The following DLG5 variants were observed in gnomAD, a reference collection of about 807,000 sequenced individuals.
DLG5 encodes disks large homolog 5.
DLG5 carries 48 observed loss-of-function variants against 189.8 expected under a neutral mutation model. The ratio of observed to expected loss-of-function variants is 0.25; its 90% confidence interval spans 0.20 to 0.32. The LOEUF (loss-of-function observed/expected upper bound fraction) is 0.32, where lower values mean the gene tolerates loss of function less well. Among genes scored for constraint, DLG5 ranks in the 10% least tolerant of loss-of-function variants. The pLI is 1.00. For synonymous variants in DLG5, 1,016 were observed against 1,054.1 expected (o/e 0.96, Z 0.70); for missense variants, 2,160 against 2,544.7 (o/e 0.85, Z 3.25).
chr10:77,916,773 A>C (rs1846369357), intron 1 of DLG5, among the ~76,000 whole-genome samples: 1 of 151,928 alleles, frequency 6.6e-6, no homozygotes, highest in Admixed American at 6.6e-5. Context: ...TAAACCCAAA[A>C]GAAGAGAAAG....
intron 1 of DLG5, among the ~76,000 whole-genome samples, chr10:77,875,521 G>A (rs1297570477): frequency 2.0e-5 from 3 of 152,140 alleles, no homozygotes; most frequent in Non-Finnish European, 4.4e-5. Context: ...AGAAGGAGCT[G>A]TGGCTTCATG....
chr10:77,850,947 A>AC (rs1395781490), intron 5 of DLG5, among the ~76,000 whole-genome samples: 4 of 152,150 alleles, frequency 2.6e-5, no homozygotes, highest in Admixed American at 6.5e-5. Flanking sequence ...TCCAAACTAA[A>AC]CCCCAAGGCA....
intron 1 of DLG5, among the ~76,000 whole-genome samples, chr10:77,880,962 CTTTTTTTT>C (rs61636782): frequency 1.4e-5 from 1 of 73,276 alleles, no homozygotes; most frequent in African/African-American, 6.0e-5. Context: ...AACCCTAGAC[CTTTTTTTT>C]TTTTTTTTTT....
At chr10:77,933,288 G>GT in the DLG5 span, among the ~76,000 whole-genome samples, 1 of 151,544 alleles carries the variant, frequency 6.6e-6, no homozygotes, top group South Asian at 2.1e-4. Flanking sequence ...TTTGTTTTTT[G>GT]TTTTTTGTTT....
chr10:77,847,982 C>T (rs1001386078), intron 5 of DLG5, among the ~76,000 whole-genome samples: 8 of 152,198 alleles, frequency 5.3e-5, no homozygotes, highest in African/African-American at 1.9e-4. Flanking sequence ...GCTAAGATTA[C>T]AGGCGTGAGC....
rs982496000 is a variant in DLG5 at position 77,796,880 on chromosome 10, C to G, written c.5165-286G>C. Among the ~76,000 whole-genome samples the G allele has an allele frequency of 1.3e-5, 2 of 152,198 alleles. No individual in the cohort carries two copies. The highest frequency in any genetic ancestry group is 2.9e-5 in the Non-Finnish European group (2 of 68,042). On this transcript the variant is annotated intron_variant, in intron 27 of 31. Transcript: ENST00000372391. The surrounding 1 kb of genome is among the most constrained non-coding windows in gnomAD (Gnocchi z 5.2). ...TTTCCTCGTGGGTCGACGCCTGCTT[C>G]CCCTGCCCCATCTCCATTCTCCTCT...
intron 26 of DLG5, 40 bp downstream of exon 26, chr10:77,806,718 A>AGGCCCCCC: frequency 3.8e-4 from 501 of 1,333,414 alleles, no homozygotes; most frequent in Non-Finnish European, 5.0e-4. Flanking sequence ...GCCCTCGGCG[A>AGGCCCCCC]CCCCTGCCCC....
chr10:77,890,870 A>G (rs1845586683), intron 1 of DLG5, among the ~76,000 whole-genome samples: 2 of 152,084 alleles, frequency 1.3e-5, no homozygotes, highest in Non-Finnish European at 2.9e-5. Context: ...ACCTGCCTGG[A>G]AGCTGGCACT....
At chr10:77,812,132 G>A (rs906051252) in intron 21 of DLG5, 75 bp from the exon 22 acceptor site, 2 of 1,597,610 alleles carry the variant, frequency 1.3e-6, no homozygotes, top group Admixed American at 1.7e-5. Context: ...GGACTTGGGA[G>A]CACTGCTGTT....
chr10:77,918,754 G>A (rs1179482066), intron 1 of DLG5, among the ~76,000 whole-genome samples: 2 of 152,138 alleles, frequency 1.3e-5, no homozygotes, highest in Non-Finnish European at 2.9e-5. Flanking sequence ...CTTCCCTGCT[G>A]AACACACATA....
rs145595136 is a variant in DLG5 at position 77,869,031 on chromosome 10, A to G, written c.373+98T>C. The G allele has an allele frequency of 2.0e-5, 19 of 962,788 alleles. No homozygotes were observed. The African/African-American group carries it at 3.1e-4, about 16-fold the overall frequency. The allele number at this position is 962,788 out of a possible 1,614,324, so 59.6% of individuals were successfully genotyped here. On this transcript the variant is annotated intron_variant, in intron 2 of 31. Transcript: ENST00000372391. ...AGGATGATCCTGTGAGTAATCTGAC[A>G]AGGGAGAACCAGCTTCCTCTCCCAT...
intron 1 of DLG5, among the ~76,000 whole-genome samples, chr10:77,903,526 G>A (rs1206052108): frequency 1.3e-5 from 2 of 151,820 alleles, no homozygotes; most frequent in African/African-American, 2.4e-5. Context: ...GCTGAGGCAG[G>A]AGAATCGCTT....
intron 1 of DLG5, among the ~76,000 whole-genome samples, chr10:77,891,653 A>G (rs1446107449): frequency 6.6e-6 from 1 of 151,694 alleles, no homozygotes; most frequent in East Asian, 1.9e-4. Flanking sequence ...TCATTCCCAA[A>G]AGCCACATTC....
intron 1 of DLG5, among the ~76,000 whole-genome samples, chr10:77,921,978 G>C (rs1846548083): frequency 6.6e-6 from 1 of 152,190 alleles, no homozygotes; most frequent in African/African-American, 2.4e-5. Context: ...GCCACTAAAG[G>C]TGAATGAGAG....
At chr10:77,915,729 A>G (rs1846339014) in intron 1 of DLG5, among the ~76,000 whole-genome samples, 1 of 152,238 alleles carries the variant, frequency 6.6e-6, no homozygotes, top group South Asian at 2.1e-4. Context: ...CTTTTGAAAG[A>G]AAGTCTCAAT....
At chr10:77,919,074 G>A (rs1232136281) in intron 1 of DLG5, among the ~76,000 whole-genome samples, 1 of 151,994 alleles carries the variant, frequency 6.6e-6, no homozygotes, top group African/African-American at 2.4e-5. Flanking sequence ...AAATTAGCCG[G>A]GGGTGATGGC....
At chr10:77,798,647 T>C (rs1841046979) in intron 27 of DLG5, among the ~76,000 whole-genome samples, 1 of 152,232 alleles carries the variant, frequency 6.6e-6, no homozygotes, top group South Asian at 2.1e-4. Context: ...GGGCTGTGTT[T>C]CTGGGAGGCA....
At chr10:77,861,935 G>A (rs530202812) in intron 2 of DLG5, among the ~76,000 whole-genome samples, 5 of 152,312 alleles carry the variant, frequency 3.3e-5, no homozygotes, top group African/African-American at 1.2e-4. Flanking sequence ...AGCAGAAAGT[G>A]CAGCCGATGC....
At chr10:77,827,879 A>C (rs1320852876) in intron 13 of DLG5, among the ~76,000 whole-genome samples, 3 of 152,210 alleles carry the variant, frequency 2.0e-5, no homozygotes, top group Non-Finnish European at 4.4e-5. Context: ...ATCTAGGTAT[A>C]TATAGATTTG....
Sources: allele counts gnomAD v4.1 joint callset (sites outside exome capture counted in the v4.1 genomes callset), GRCh38; gene constraint gnomAD v4.1.1; non-coding constraint Gnocchi (gnomAD v3.1); transcripts MANE v1.5; gene names NCBI Gene and HGNC (gene_info 2026-07-23, HGNC 2026-07-21).